Variants in SLC35D1 observed in about 807,000 individuals in gnomAD.
The protein encoded by SLC35D1 is nucleotide sugar transporter SLC35D1.
In SLC35D1, 31 loss-of-function variants were observed where a neutral mutation model predicts 46.7. The observed-to-expected ratio is 0.66, with a 90% CI of 0.50 to 0.90. The LOEUF is 0.90. Among genes scored for constraint, SLC35D1 ranks in the 40% least tolerant of loss-of-function variants. The pLI is 0.00. For synonymous variants in SLC35D1, 195 were observed against 164.6 expected (o/e 1.18, Z -1.41); for missense variants, 397 against 426.2 (o/e 0.93, Z 0.60).
At chr1:66,977,166 G>A in the SLC35D1 span, among the ~76,000 whole-genome samples, 1 of 151,626 alleles carries the variant, frequency 6.6e-6, no homozygotes, top group African/African-American at 2.4e-5. Context: ...CTGGAATGCA[G>A]TGGTGCAATC....
At chr1:67,007,120 G>T (rs1297217117) in intron 11 of SLC35D1, among the ~76,000 whole-genome samples, 1 of 152,186 alleles carries the variant, frequency 6.6e-6, no homozygotes, top group Non-Finnish European at 1.5e-5. Flanking sequence ...CCAGAGGGGA[G>T]ATGTACTGCT....
intron 8 of SLC35D1, among the ~76,000 whole-genome samples, chr1:67,034,950 T>C (rs535339935): frequency 3.3e-5 from 5 of 152,220 alleles, no homozygotes; most frequent in Non-Finnish European, 7.3e-5. Context: ...CTTCATTCTG[T>C]TGATATGATG....
At chr1:67,008,351 G>A (rs1306299241) in intron 11 of SLC35D1, 3 of 1,116,500 alleles carry the variant, frequency 2.7e-6, no homozygotes, top group Non-Finnish European at 3.6e-6. Flanking sequence ...GTTGGCCAGG[G>A]TGGTCTTGAT....
At chr1:67,040,315 C>G (rs1205403085) in intron 8 of SLC35D1, among the ~76,000 whole-genome samples, 1 of 152,224 alleles carries the variant, frequency 6.6e-6, no homozygotes, top group East Asian at 1.9e-4. Context: ...CTTTTAAGGA[C>G]TTGTCACTAC....
chr1:67,011,997 T>C (rs1053104523), intron 10 of SLC35D1, among the ~76,000 whole-genome samples: 1 of 152,214 alleles, frequency 6.6e-6, no homozygotes, highest in African/African-American at 2.4e-5. Flanking sequence ...TTTTGTGCCC[T>C]TGAAAGTTTG....
At chr1:67,044,115 C>T (rs994346735) in intron 7 of SLC35D1, among the ~76,000 whole-genome samples, 4 of 152,124 alleles carry the variant, frequency 2.6e-5, no homozygotes, top group Non-Finnish European at 4.4e-5. Flanking sequence ...ACAGGCGGAT[C>T]GCCTGAGGTC....
downstream of SLC35D1, among the ~76,000 whole-genome samples, chr1:66,997,379 C>T (rs1667249017): frequency 6.6e-6 from 1 of 151,118 alleles, no homozygotes; most frequent in Non-Finnish European, 1.5e-5. Context: ...GTGGTATGCA[C>T]CTCTACTCCG....
chr1:67,047,190 T>C, intron 7 of SLC35D1, 75 bp downstream of exon 7: 1 of 1,174,728 alleles, frequency 8.5e-7, no homozygotes, highest in Non-Finnish European at 1.3e-6. Flanking sequence ...ACTTTCTTTA[T>C]TCCCCACTTT....
intron 6 of SLC35D1, among the ~76,000 whole-genome samples, chr1:67,048,311 T>C (rs1402442284): frequency 6.6e-6 from 1 of 152,198 alleles, no homozygotes; most frequent in Non-Finnish European, 1.5e-5. Flanking sequence ...GAAGTTTTTG[T>C]AGACACAAGA....
chr1:67,024,809 T>A (rs980805937), intron 8 of SLC35D1, among the ~76,000 whole-genome samples: 1 of 152,088 alleles, frequency 6.6e-6, no homozygotes, highest in African/African-American at 2.4e-5. Flanking sequence ...AGTGGCGTGA[T>A]CATGGGTCAC....
At chr1:67,019,559 A>G (rs1252191459) in intron 10 of SLC35D1, among the ~76,000 whole-genome samples, 1 of 152,250 alleles carries the variant, frequency 6.6e-6, no homozygotes, top group Non-Finnish European at 1.5e-5. Flanking sequence ...ACAGCAGAGC[A>G]GTAAAAACTT....
chr1:67,015,748 T>G (rs1436615006), intron 10 of SLC35D1, among the ~76,000 whole-genome samples: 2 of 152,176 alleles, frequency 1.3e-5, no homozygotes, highest in East Asian at 1.9e-4. Context: ...TTTTAAAATT[T>G]TATTTACCTT....
At chr1:67,039,493 T>TTGTGTGTGTGTG (rs71801070) in intron 8 of SLC35D1, among the ~76,000 whole-genome samples, 5,865 of 148,690 alleles carry the variant, frequency 0.039, 183 homozygotes, top group Admixed American at 0.05. Context: ...AGTGAAAAAA[T>TTGTGTGTGTGTG]TGTGTGTGTG....
At position 67,050,414 on chromosome 1, in the gene SLC35D1, T is replaced by C. The variant is rs370803659; in HGVS notation, c.464+19A>G. 22 of 1,573,880 alleles carry C rather than the reference T, an allele frequency of 1.4e-5. No individual in the cohort carries two copies. In the African/African-American group the frequency reaches 2.6e-4, roughly 18 times the overall value. On this transcript the variant is annotated intron_variant, in intron 5 of 11. Coordinates refer to ENST00000235345, the MANE Select transcript of SLC35D1 (RefSeq NM_015139.3). ...TTCAAGGTGATTTAAAGAACAGATA[T>C]ATTAGAAACTTAGCTCACTTGAGTA...
chr1:66,988,332 C>G, the SLC35D1 span: 1 of 152,306 alleles, frequency 6.6e-6, no homozygotes, highest in African/African-American at 2.4e-5. Flanking sequence ...AATTAACTCT[C>G]TTCTTTAATA....
intron 8 of SLC35D1, chr1:67,032,131 G>A: frequency 1.0e-6 from 1 of 975,610 alleles, no homozygotes; most frequent in Non-Finnish European, 1.2e-6. Flanking sequence ...AATAAACAAA[G>A]ATGCTTCTTA....
the SLC35D1 span, chr1:66,985,301 C>A: frequency 2.1e-5 from 21 of 985,244 alleles, no homozygotes; most frequent in Non-Finnish European, 2.5e-5. Flanking sequence ...ATGGGAAACT[C>A]AAGTCCAAAT....
chr1:67,030,013 T>C (rs1439680305), intron 8 of SLC35D1, among the ~76,000 whole-genome samples: 1 of 152,156 alleles, frequency 6.6e-6, no homozygotes, highest in African/African-American at 2.4e-5. Context: ...CACTAAGTTT[T>C]TTTTTTTTTT....
At chr1:67,034,043 G>C (rs1668074886) in intron 8 of SLC35D1, among the ~76,000 whole-genome samples, 2 of 152,126 alleles carry the variant, frequency 1.3e-5, no homozygotes, top group Non-Finnish European at 2.9e-5. Flanking sequence ...AGATTTCACT[G>C]ATCTATATGT....
Sources: gnomAD v4.1 joint callset for allele counts (sites outside exome capture counted in the v4.1 genomes callset) on GRCh38, gnomAD v4.1.1 for gene constraint, MANE v1.5 for transcripts, NCBI Gene and HGNC (gene_info 2026-07-23, HGNC 2026-07-21) for gene names.